Variants in ANGPT2 observed in about 807,000 individuals in gnomAD.
The protein encoded by ANGPT2 is angiopoietin-2.
Under a neutral mutation model 62.9 loss-of-function variants are expected in ANGPT2, and 28 were observed. The ratio of observed to expected loss-of-function variants is 0.44; its 90% CI spans 0.33 to 0.61. The LOEUF (loss-of-function observed/expected upper bound fraction) is 0.61, where lower values mean the gene tolerates loss of function less well. ANGPT2 is among the 20% of genes least tolerant of loss of function. ANGPT2 has a pLI of 0.03. For missense variants in ANGPT2, 727 were observed against 594.9 expected (o/e 1.22, Z -2.31); for synonymous variants, 284 against 207.8 (o/e 1.37, Z -3.15).
intron 4 of ANGPT2, 47 bp downstream of exon 4, chr8:6,521,131 T>C (rs1817252964): frequency 6.7e-7 from 1 of 1,500,532 alleles, no homozygotes; most frequent in Non-Finnish European, 9.1e-7. Flanking sequence ...AGTGTTTTAC[T>C]GACTAAAGGT....
rs1222373606 is a variant in ANGPT2 at position 6,526,275 on chromosome 8, AAAAAAAAAAAT to A, written c.566+1269_566+1279del. Among the ~76,000 whole-genome samples, 434 of 133,660 alleles carry A rather than the reference AAAAAAAAAAAT, an allele frequency of 3.2e-3. 4 individuals are homozygous for A. Among genetic ancestry groups the A allele is most frequent in the African/African-American group, 0.013 (403 of 31,564 alleles). 87.7% of individuals were successfully genotyped at this position (133,660 alleles called of 152,430 possible). On this transcript the variant is annotated intron_variant, in intron 3 of 8. Coordinates refer to ENST00000629816, the MANE Select transcript of ANGPT2 (RefSeq NM_001118887.2). ...CCTCTACTAAAAAAAAAAAAAAAAA[AAAAAAAAAAAT>A]CAGCTGGGTGTGTGACACATGCCTG...
In ANGPT2 at chr8:6,500,118, T is replaced by A; in HGVS notation, c.*2983A>T. The A allele has an allele frequency of 1.7e-6, 1 of 602,312 alleles. No homozygotes were observed. The highest frequency in any genetic ancestry group is 3.0e-6 in the Non-Finnish European group (1 of 336,112). The allele number at this position is 602,312 out of a possible 1,614,324, so 37.3% of individuals were successfully genotyped here. A position where few individuals can be genotyped will look rare whatever the true frequency, so the allele number is the denominator to read the frequency against. On this transcript the variant is annotated 3_prime_UTR_variant, in exon 9 of 9. Transcript: ENST00000629816. ...GAACAAATGTGAGAACGTGAGACCA[T>A]TGTGCAAAAAGTAGTGAGGAATGCA... is the stretch of plus-strand genomic sequence containing the variant.
At chr8:6,516,504 C>G (rs1311414982) in intron 5 of ANGPT2, among the ~76,000 whole-genome samples, 1 of 152,126 alleles carries the variant, frequency 6.6e-6, no homozygotes, top group East Asian at 1.9e-4. Flanking sequence ...GGTAAATAGG[C>G]CAAAAGTCCC....
intron 1 of ANGPT2, among the ~76,000 whole-genome samples, chr8:6,534,110 G>A (rs1401248167): frequency 6.6e-6 from 1 of 152,060 alleles, no homozygotes; most frequent in African/African-American, 2.4e-5. Flanking sequence ...CGTGGATATT[G>A]GATGGGTCAG....
rs200653775 is a variant in ANGPT2, at chr8:6,521,148, C to G, written c.799+30G>C. 5 of 1,584,572 alleles carry G rather than the reference C, an allele frequency of 3.2e-6. No individual in the cohort carries two copies. In the Admixed American group the frequency reaches 8.4e-5, roughly 27 times the overall value. On this transcript the variant is annotated intron_variant, in intron 4 of 8. Coordinates refer to ENST00000629816, the MANE Select transcript of ANGPT2 (RefSeq NM_001118887.2). ...TGTTTTACTGACTAAAGGTTATTAA[C>G]GCTGAAGAAAGCATGATATGTAAAC...
At chr8:6,536,987 A>C (rs1291615578) in intron 1 of ANGPT2, among the ~76,000 whole-genome samples, 1 of 151,752 alleles carries the variant, frequency 6.6e-6, no homozygotes, top group East Asian at 1.9e-4. Flanking sequence ...AAAAAAAAAA[A>C]AAACCAACCC....
At chr8:6,539,344 G>C (rs530100438) in intron 1 of ANGPT2, among the ~76,000 whole-genome samples, 1 of 152,284 alleles carries the variant, frequency 6.6e-6, no homozygotes, top group East Asian at 1.9e-4. Flanking sequence ...TGTTTTTATA[G>C]TCTTGGCCTT....
At chr8:6,540,240 C>T (rs1472242270) in intron 1 of ANGPT2, among the ~76,000 whole-genome samples, 1 of 152,156 alleles carries the variant, frequency 6.6e-6, no homozygotes, top group Non-Finnish European at 1.5e-5. Flanking sequence ...CATTTTACCT[C>T]TTTGTGTGTT....
Position 6,546,644 on chromosome 8 carries a change from C to G in ANGPT2, c.289-14157G>C, listed in dbSNP as rs572729951. 3.9e-5 allele frequency among the ~76,000 whole-genome samples: 6 copies of G among 152,222 alleles called. No homozygotes were observed. The South Asian group carries it at 1.2e-3, about 32-fold the overall frequency. The stretch of plus-strand genomic sequence containing the variant: ...TTTGGAGCTAACCGCTTAATACAAG[C>G]AACTGTTGGCCTAGAGATAAATAGA... On this transcript the variant is annotated intron_variant, in intron 1 of 8. Coordinates refer to ENST00000629816, the MANE Select transcript of ANGPT2 (RefSeq NM_001118887.2).
intron 4 of ANGPT2, among the ~76,000 whole-genome samples, chr8:6,520,329 C>G (rs2442621): frequency 4.6e-5 from 7 of 152,194 alleles, no homozygotes; most frequent in South Asian, 4.1e-4. Flanking sequence ...TCATCTTGAG[C>G]AGAATAGGGT....
intron 3 of ANGPT2, among the ~76,000 whole-genome samples, chr8:6,527,263 A>G (rs976906411): frequency 1.3e-5 from 2 of 151,146 alleles, no homozygotes; most frequent in Middle Eastern, 3.2e-3. Flanking sequence ...CACTAGCTGT[A>G]TTTTTATAAT....
At chr8:6,516,299 A>G (rs935912192) in intron 5 of ANGPT2, among the ~76,000 whole-genome samples, 1 of 152,218 alleles carries the variant, frequency 6.6e-6, no homozygotes, top group Non-Finnish European at 1.5e-5. Context: ...TATATTATCT[A>G]TAATCTCACA....
rs80107587 is a variant in ANGPT2, at chr8:6,538,561, G to T, written c.289-6074C>A. 7.1e-3 allele frequency among the ~76,000 whole-genome samples: 1,080 copies of T among 152,280 alleles called. 19 individuals carry two copies. The highest frequency in any genetic ancestry group is 0.025 in the African/African-American group (1,022 of 41,560). ...ACCTGGGCGCGCACTGTCCTTGGCT[G>T]TCCCAGCTGCCCAGCGGCCTCATAC... is the stretch of plus-strand genomic sequence containing the variant. On this transcript the variant is annotated intron_variant, in intron 1 of 8. Coordinates refer to ENST00000629816, the MANE Select transcript of ANGPT2 (RefSeq NM_001118887.2).
At chr8:6,557,344 A>C (rs1824793503) in intron 1 of ANGPT2, among the ~76,000 whole-genome samples, 1 of 152,130 alleles carries the variant, frequency 6.6e-6, no homozygotes, top group Non-Finnish European at 1.5e-5. Flanking sequence ...TGTGTACTAG[A>C]GATATTCTCG....
intron 7 of ANGPT2, among the ~76,000 whole-genome samples, chr8:6,511,322 G>C (rs1205066952): frequency 6.6e-6 from 1 of 151,854 alleles, no homozygotes; most frequent in African/African-American, 2.4e-5. Context: ...GCTTTGCCAG[G>C]GATGATTTTA....
Position 6,505,272 on chromosome 8 carries a change from GTATACATATATATGTTA to G in ANGPT2, c.1328-2028_1328-2012del, listed in dbSNP as rs1205429375. 6.4e-3 allele frequency among the ~76,000 whole-genome samples: 139 copies of G among 21,856 alleles called. 16 individuals carry two copies. The highest frequency in any genetic ancestry group is 0.023 in the African/African-American group (125 of 5,460). 14.3% of individuals were successfully genotyped at this position (21,856 alleles called of 152,430 possible). Reference sequence around the variant, plus strand: ...TTCTTTATATATGTTTTATATATATGTATACATATATATGTTATATACATATATATGTATATAACATA... The same window carrying G: ...TTCTTTATATATGTTTTATATATATGTATACATATATATGTATATAACATA... On this transcript the variant is annotated intron_variant, in intron 8 of 8. Coordinates refer to ENST00000629816, the MANE Select transcript of ANGPT2 (RefSeq NM_001118887.2).
In ANGPT2 at chr8:6,554,308, GAAAA is replaced by G. The variant is rs10715108; in HGVS notation, c.288+8335_288+8338del. Among the ~76,000 whole-genome samples, 4 of 142,940 alleles carry G rather than the reference GAAAA, an allele frequency of 2.8e-5. No individual in the cohort carries two copies. In the South Asian group the frequency reaches 8.9e-4, roughly 32 times the overall value. 93.8% of individuals were successfully genotyped at this position (142,940 alleles called of 152,430 possible). A position where few individuals can be genotyped will look rare whatever the true frequency, so the allele number is the denominator to read the frequency against. ...ACAAGATCTGGATTTTAAAAAGAGA[GAAAA>G]AAAAAAATGGAAAGGCTGGCTGCTT... On this transcript the variant is annotated intron_variant, in intron 1 of 8. Coordinates refer to ENST00000629816, the MANE Select transcript of ANGPT2 (RefSeq NM_001118887.2).
intron 3 of ANGPT2, among the ~76,000 whole-genome samples, chr8:6,527,084 A>C (rs181601128): frequency 2.6e-5 from 4 of 152,340 alleles, no homozygotes; most frequent in Non-Finnish European, 5.9e-5. Flanking sequence ...CCCAAGGGCA[A>C]AGGATCTTGG....
intron 1 of ANGPT2, among the ~76,000 whole-genome samples, chr8:6,542,355 A>G (rs1821764604): frequency 6.6e-6 from 1 of 151,800 alleles, no homozygotes; most frequent in African/African-American, 2.4e-5. Flanking sequence ...TCAGTTCTCT[A>G]AGAAACAGAC....
Sources: gnomAD v4.1 joint callset for allele counts (sites outside exome capture counted in the v4.1 genomes callset) on GRCh38, gnomAD v4.1.1 for gene constraint, MANE v1.5 for transcripts, NCBI Gene and HGNC (gene_info 2026-07-23, HGNC 2026-07-21) for gene names.